Variants in PDE1C observed in about 807,000 individuals in gnomAD.
The protein encoded by PDE1C is dual specificity calcium/calmodulin-dependent 3',5'-cyclic nucleotide phosphodiesterase 1C.
A neutral mutation model predicts 93.1 loss-of-function variants in PDE1C; 62 were observed. That is an observed-to-expected ratio of 0.67 (90% CI 0.54 to 0.82). PDE1C has a LOEUF of 0.82. Among genes scored for constraint, PDE1C ranks in the 40% least tolerant of loss-of-function variants. The probability of loss-of-function intolerance (pLI) is 0.00; values close to 1 mark genes in which losing one functional copy is unlikely to be tolerated. For missense variants in PDE1C, 742 were observed against 884.6 expected, an observed-to-expected ratio of 0.84 and a Z score of 2.04; for synonymous variants, 325 against 310.1, an observed-to-expected ratio of 1.05 and a Z score of -0.50.
At chr7:32,079,767 C>T (rs1796552979) in intron 3 of PDE1C, among the ~76,000 whole-genome samples, 1 of 152,174 alleles carries the variant, frequency 6.6e-6, no homozygotes. Context: ...GCAGGAGCGG[C>T]CAGTCCTCTT....
At chr7:31,931,960 A>G (rs1563056365) in intron 2 of PDE1C, among the ~76,000 whole-genome samples, 1 of 152,210 alleles carries the variant, frequency 6.6e-6, no homozygotes, top group African/African-American at 2.4e-5. Context: ...AAAACAAGCT[A>G]TGGGGAAAGG....
At chr7:31,899,885 T>C (rs758935) in intron 2 of PDE1C, among the ~76,000 whole-genome samples, 120,943 of 152,056 alleles carry the variant, frequency 0.8, 48,612 homozygotes, top group Admixed American at 0.85. Flanking sequence ...ATTAGCAATG[T>C]CTGAAGACAT....
chr7:32,168,650 TTATGA>T (rs1207266965), intron 3 of PDE1C, among the ~76,000 whole-genome samples: 3 of 152,184 alleles, frequency 2.0e-5, no homozygotes, highest in Non-Finnish European at 2.9e-5. Context: ...ATTCAAAACC[TTATGA>T]TGCAATAACC....
chr7:32,020,788 AT>A (rs1419039699), intron 2 of PDE1C, among the ~76,000 whole-genome samples: 2 of 152,102 alleles, frequency 1.3e-5, no homozygotes, highest in Non-Finnish European at 2.9e-5. Context: ...GCAAATCAAA[AT>A]CTTCCCAACA....
At chr7:32,348,770 G>A (rs1783902221) in intron 1 of PDE1C, among the ~76,000 whole-genome samples, 2 of 152,150 alleles carry the variant, frequency 1.3e-5, no homozygotes, top group African/African-American at 4.8e-5. Context: ...TGTATCTTAA[G>A]CCAGTGACTC....
At chr7:32,108,230 CAAA>C (rs71559210) in intron 3 of PDE1C, among the ~76,000 whole-genome samples, 2 of 77,058 alleles carry the variant, frequency 2.6e-5, no homozygotes, top group African/African-American at 5.1e-5. Context: ...AAAAGCAAGA[CAAA>C]AAAAAAAAAA....
chr7:31,617,497 T>TG, the PDE1C span, among the ~76,000 whole-genome samples: 6 of 151,932 alleles, frequency 3.9e-5, no homozygotes, highest in African/African-American at 1.5e-4. Context: ...TTCTGCTTTT[T>TG]GTAAAAAACA....
At chr7:32,080,032 G>A (rs1796569982) in intron 3 of PDE1C, among the ~76,000 whole-genome samples, 1 of 152,126 alleles carries the variant, frequency 6.6e-6, no homozygotes, top group Non-Finnish European at 1.5e-5. Flanking sequence ...AAGAGTAGGA[G>A]GAAAATATTT....
At chr7:31,791,690 A>G (rs1308989820) in intron 16 of PDE1C, among the ~76,000 whole-genome samples, 2 of 152,082 alleles carry the variant, frequency 1.3e-5, no homozygotes, top group Admixed American at 1.3e-4. Context: ...CATTGGTTGG[A>G]AGGAAGCTAG....
intron 1 of PDE1C, among the ~76,000 whole-genome samples, chr7:32,279,808 G>C (rs1811511370): frequency 3.9e-5 from 6 of 151,974 alleles, no homozygotes; most frequent in Admixed American, 3.9e-4. Context: ...ACAAAATACT[G>C]TACCTAAAGC....
At chr7:32,160,495 A>G (rs1440450377) in intron 3 of PDE1C, among the ~76,000 whole-genome samples, 3 of 152,190 alleles carry the variant, frequency 2.0e-5, no homozygotes, top group Admixed American at 6.5e-5. Flanking sequence ...CTATTAATTC[A>G]TAAGAATAAA....
At chr7:32,102,920 G>A (rs1798107326) in intron 3 of PDE1C, among the ~76,000 whole-genome samples, 1 of 152,158 alleles carries the variant, frequency 6.6e-6, no homozygotes, top group South Asian at 2.1e-4. Flanking sequence ...CCAGAATTGT[G>A]AGGCTTCCCC....
intron 17 of PDE1C, among the ~76,000 whole-genome samples, chr7:31,765,275 A>G (rs1795070905): frequency 6.6e-6 from 1 of 152,190 alleles, no homozygotes; most frequent in South Asian, 2.1e-4. Flanking sequence ...AGGATATAAA[A>G]ATAGACTAAA....
At chr7:32,099,254 A>T (rs372468997) in intron 3 of PDE1C, among the ~76,000 whole-genome samples, 24 of 152,364 alleles carry the variant, frequency 1.6e-4, no homozygotes, top group African/African-American at 5.3e-4. Context: ...AAAGAAAGTT[A>T]TACACAGATT....
intron 2 of PDE1C, among the ~76,000 whole-genome samples, chr7:31,958,987 C>T (rs1015037634): frequency 6.6e-6 from 1 of 152,142 alleles, no homozygotes; most frequent in Non-Finnish European, 1.5e-5. Context: ...CCTATCACCC[C>T]TTTCCCCAGT....
intron 1 of PDE1C, among the ~76,000 whole-genome samples, chr7:32,060,475 C>T (rs1794678878): frequency 6.6e-6 from 1 of 152,170 alleles, no homozygotes; most frequent in Non-Finnish European, 1.5e-5. Flanking sequence ...TCTATGTAAG[C>T]CTCCCTAAAC....
intron 2 of PDE1C, among the ~76,000 whole-genome samples, chr7:32,207,243 G>C (rs113331427): frequency 2.7e-5 from 4 of 150,726 alleles, no homozygotes; most frequent in Admixed American, 6.6e-5. Flanking sequence ...CTGGCCACCC[G>C]CCCCCGCCAA....
intron 2 of PDE1C, among the ~76,000 whole-genome samples, chr7:31,907,975 A>G (rs926882764): frequency 6.6e-6 from 1 of 152,188 alleles, no homozygotes; most frequent in African/African-American, 2.4e-5. Context: ...AGGGAGGGGC[A>G]GGGTGAGATA....
chr7:32,048,563 C>T (rs1442467586), intron 2 of PDE1C, among the ~76,000 whole-genome samples: 3 of 152,036 alleles, frequency 2.0e-5, no homozygotes, highest in Non-Finnish European at 4.4e-5. Context: ...ACCAAGACTC[C>T]TAACGTGAGC....
Sources: gnomAD v4.1 joint callset for allele counts (sites outside exome capture counted in the v4.1 genomes callset) on GRCh38, gnomAD v4.1.1 for gene constraint, MANE v1.5 for transcripts, NCBI Gene and HGNC (gene_info 2026-07-23, HGNC 2026-07-21) for gene names.